The following CSMD1 variants were observed in gnomAD, a reference collection of about 807,000 sequenced individuals.
The protein encoded by CSMD1 is CUB and Sushi multiple domains 1.
In CSMD1, 213 loss-of-function variants were observed where a neutral mutation model predicts 417.5. The ratio of observed to expected loss-of-function variants is 0.51; its 90% CI spans 0.46 to 0.57. The LOEUF (loss-of-function observed/expected upper bound fraction) is 0.57. Among genes scored for constraint, CSMD1 ranks in the 20% least tolerant of loss-of-function variants. The pLI, the probability that CSMD1 is intolerant of heterozygous loss-of-function variation, is 0.00. For synonymous variants in CSMD1, 2,862 were observed against 1,736.8 expected, an observed-to-expected ratio of 1.65 and a Z score of -16.11; for missense variants, 6,923 against 4,529.7, an observed-to-expected ratio of 1.53 and a Z score of -15.17.
chr8:4,146,594 ATTTTTTTTTTTTTT>A (rs71205423), intron 3 of CSMD1, among the ~76,000 whole-genome samples: 6 of 64,242 alleles, frequency 9.3e-5, no homozygotes, highest in African/African-American at 3.2e-4. Flanking sequence ...ATATGGACAC[ATTTTTTTTTTTTTT>A]TTTTTTTTTT....
intron 5 of CSMD1, among the ~76,000 whole-genome samples, chr8:3,829,960 A>C (rs916103626): frequency 2.0e-5 from 3 of 152,118 alleles, no homozygotes; most frequent in Admixed American, 2.0e-4. Flanking sequence ...GAAAATTAAA[A>C]ATTTTGCTCA....
intron 2 of CSMD1, among the ~76,000 whole-genome samples, chr8:4,452,604 G>A (rs568884971): frequency 3.9e-5 from 6 of 152,138 alleles, no homozygotes; most frequent in South Asian, 4.1e-4. Flanking sequence ...TAACGAAAAA[G>A]ATAATAGTTT....
chr8:3,223,856 C>G lies in CSMD1; in HGVS notation c.4357G>C (p.Gly1453Arg), dbSNP rs771213243. The G allele has an allele frequency of 4.3e-6, 7 of 1,613,728 alleles. No individual in the cohort carries two copies. Among genetic ancestry groups the G allele is most frequent in the Non-Finnish European group, 5.1e-6 (6 of 1,179,790 alleles). The change falls in exon 28 of 70, where the codon GGG (glycine) becomes CGG (arginine). Residue 1453 changes from glycine to arginine, a missense_variant. By Grantham distance (125) the Gly-to-Arg change is moderately radical. Transcript: ENST00000635120. ...ACACCTGCTGGGCCCGTCAGATTCC[C>G]TCCACAAGCAGCTGTCACAGAACAA... ...DPPTCIAACGGNLTGPAGVIL... is the reference protein window; with the variant it reads ...DPPTCIAACGRNLTGPAGVIL...
intron 2 of CSMD1, among the ~76,000 whole-genome samples, chr8:4,464,583 T>A (rs1037237915): frequency 7.9e-5 from 12 of 152,282 alleles, no homozygotes; most frequent in African/African-American, 2.9e-4. Context: ...AACGGGTGGT[T>A]TCTACTGAAC....
intron 5 of CSMD1, among the ~76,000 whole-genome samples, chr8:3,928,054 A>T (rs1470423958): frequency 6.6e-6 from 1 of 152,062 alleles, no homozygotes; most frequent in African/African-American, 2.4e-5. Flanking sequence ...TTTTTTCTTA[A>T]ATTTCCCCAC....
intron 1 of CSMD1, among the ~76,000 whole-genome samples, chr8:4,962,578 A>C (rs1327172626): frequency 6.6e-6 from 1 of 152,204 alleles, no homozygotes; most frequent in East Asian, 1.9e-4. Context: ...GGATTTTGGC[A>C]TAATCAGATG....
intron 1 of CSMD1, among the ~76,000 whole-genome samples, chr8:4,897,270 T>G (rs62484656): frequency 0.047 from 7,136 of 152,124 alleles, 229 homozygotes; most frequent in South Asian, 0.15. Flanking sequence ...AACCAAAAAT[T>G]TAAGTGTTCA....
At chr8:4,456,102 C>T (rs1799464206) in intron 2 of CSMD1, among the ~76,000 whole-genome samples, 1 of 143,026 alleles carries the variant, frequency 7.0e-6, no homozygotes, top group Non-Finnish European at 1.5e-5. Context: ...ACGTACTGCA[C>T]ACTTAAAATA....
intron 5 of CSMD1, among the ~76,000 whole-genome samples, chr8:3,914,071 A>G (rs1264229160): frequency 6.6e-6 from 1 of 152,194 alleles, no homozygotes; most frequent in Non-Finnish European, 1.5e-5. Flanking sequence ...AATGATCACA[A>G]TAAAGAGTCA....
intron 55 of CSMD1, among the ~76,000 whole-genome samples, chr8:2,978,006 G>A (rs572238409): frequency 6.6e-6 from 1 of 152,176 alleles, no homozygotes; most frequent in African/African-American, 2.4e-5. Flanking sequence ...CATTTTGGAA[G>A]ACAGTGTAGC....
At chr8:3,172,781 C>T (rs1026901243) in intron 37 of CSMD1, among the ~76,000 whole-genome samples, 2 of 152,172 alleles carry the variant, frequency 1.3e-5, no homozygotes, top group Non-Finnish European at 2.9e-5. Flanking sequence ...GGCACAAGGG[C>T]AGTTGAACCC....
At chr8:3,993,277 C>T (rs1047837134) in intron 5 of CSMD1, among the ~76,000 whole-genome samples, 1 of 152,176 alleles carries the variant, frequency 6.6e-6, no homozygotes, top group South Asian at 2.1e-4. Flanking sequence ...AACATGATGC[C>T]TCCTTCCTTT....
chr8:3,193,979 T>G (rs1178653782), intron 33 of CSMD1, among the ~76,000 whole-genome samples: 1 of 152,206 alleles, frequency 6.6e-6, no homozygotes, highest in Non-Finnish European at 1.5e-5. Context: ...TAGGACTCAC[T>G]TGCAATACCT....
intron 5 of CSMD1, among the ~76,000 whole-genome samples, chr8:3,884,712 T>A (rs1244514565): frequency 6.6e-6 from 1 of 152,094 alleles, no homozygotes. Context: ...ACTGAGAAAA[T>A]GTCCATGATT....
At chr8:4,096,770 G>C (rs1007383084) in intron 3 of CSMD1, among the ~76,000 whole-genome samples, 1 of 150,966 alleles carries the variant, frequency 6.6e-6, no homozygotes, top group Non-Finnish European at 1.5e-5. Flanking sequence ...CTGCAATTTA[G>C]AAGACACTTG....
At chr8:4,221,255 C>G (rs1009384020) in intron 3 of CSMD1, among the ~76,000 whole-genome samples, 1 of 151,924 alleles carries the variant, frequency 6.6e-6, no homozygotes, top group African/African-American at 2.4e-5. Flanking sequence ...TGAAATGTAT[C>G]AACACCTGCT....
At chr8:4,041,074 T>C (rs1254048920) in intron 3 of CSMD1, among the ~76,000 whole-genome samples, 20 of 139,868 alleles carry the variant, frequency 1.4e-4, no homozygotes, top group Non-Finnish European at 2.6e-4. Flanking sequence ...TGGAGTGCAG[T>C]GGCGCGATCT....
intron 3 of CSMD1, among the ~76,000 whole-genome samples, chr8:4,361,691 C>G (rs1801774696): frequency 1.3e-5 from 2 of 152,064 alleles, no homozygotes; most frequent in African/African-American, 2.4e-5. Context: ...CGGCTTGGCT[C>G]ACGCCTGTAA....
intron 1 of CSMD1, among the ~76,000 whole-genome samples, chr8:4,833,169 T>C (rs1156367782): frequency 6.6e-6 from 1 of 152,150 alleles, no homozygotes; most frequent in Non-Finnish European, 1.5e-5. Flanking sequence ...ATTCTCACAC[T>C]GCTATAAAAA....
Sources: allele counts gnomAD v4.1 joint callset (sites outside exome capture counted in the v4.1 genomes callset), GRCh38; gene constraint gnomAD v4.1.1; transcripts MANE v1.5; gene names NCBI Gene and HGNC (gene_info 2026-07-23, HGNC 2026-07-21).